SLC15A4: variants seen among roughly 807,000 people sequenced by gnomAD.
The protein encoded by SLC15A4 is solute carrier family 15 member 4, also known as hPHT1.
In SLC15A4, 26 loss-of-function variants were observed where a neutral mutation model predicts 46.1. That is an observed-to-expected ratio of 0.56 (90% CI 0.41 to 0.78). The LOEUF is 0.78. Ranked by LOEUF, SLC15A4 falls within the 30% of genes least tolerant of loss-of-function variation. The pLI is 0.00. For synonymous variants in SLC15A4, 370 were observed against 333.4 expected (o/e 1.11, Z -1.20); for missense variants, 751 against 755.7 (o/e 0.99, Z 0.07).
intron 5 of SLC15A4, among the ~76,000 whole-genome samples, chr12:128,803,851 A>G (rs552579838): frequency 6.6e-6 from 1 of 152,326 alleles, no homozygotes; most frequent in South Asian, 2.1e-4. Flanking sequence ...TTGGACAGAC[A>G]CAAAGATCCG....
At chr12:128,819,394 C>G (rs1026299749) in intron 1 of SLC15A4, 1 of 152,058 alleles carries the variant, frequency 6.6e-6, no homozygotes, top group Admixed American at 6.5e-5. Flanking sequence ...GAGAATAAGA[C>G]TTGGTCTTAA....
intron 1 of SLC15A4, among the ~76,000 whole-genome samples, chr12:128,821,515 G>A (rs1185219683): frequency 3.9e-5 from 6 of 152,280 alleles, no homozygotes; most frequent in South Asian, 4.1e-4. Flanking sequence ...TTCCAATAAC[G>A]CTTTATTTAT....
intron 5 of SLC15A4, among the ~76,000 whole-genome samples, chr12:128,803,593 C>T (rs1955544150): frequency 6.6e-6 from 1 of 152,148 alleles, no homozygotes; most frequent in African/African-American, 2.4e-5. Context: ...ATGGATGACA[C>T]ATAGTATCCA....
intron 2 of SLC15A4, chr12:128,813,185 ATT>A (rs60543357): frequency 2.8e-4 from 38 of 134,226 alleles, no homozygotes; most frequent in Non-Finnish European, 2.2e-4. Context: ...ATGGGGCTAT[ATT>A]TTTTTTTTTT....
chr12:128,812,792 G>C (rs555742346), intron 2 of SLC15A4, among the ~76,000 whole-genome samples: 1 of 152,198 alleles, frequency 6.6e-6, no homozygotes, highest in Non-Finnish European at 1.5e-5. Flanking sequence ...GGCTTCGCAA[G>C]ATCAGTAACC....
chr12:128,810,052 A>T lies in SLC15A4; in HGVS notation c.902T>A (p.Met301Lys). 1 of 1,614,200 alleles carries T rather than the reference A, an allele frequency of 6.2e-7. No individual in the cohort carries two copies. The highest frequency in any genetic ancestry group is 8.5e-7 in the Non-Finnish European group (1 of 1,180,022). ...SKQSLFDSCK[M>K]SHGGPFTEEK... ...TTCTGTAAATGGCCCACCATGAGAC[A>T]TCTTACATGAATCAAACAGACTTTG... The change falls in exon 3 of 8, where the codon ATG becomes AAG. Residue 301 changes from methionine to lysine, a missense_variant. Coordinates refer to ENST00000266771, the MANE Select transcript of SLC15A4 (RefSeq NM_145648.4).
intron 1 of SLC15A4, 31 bp downstream of exon 1, chr12:128,823,367 G>T: frequency 7.2e-7 from 1 of 1,383,002 alleles, no homozygotes; most frequent in South Asian, 1.6e-5. Context: ...GCTGGACAGG[G>T]ACAGGGACAG....
At chr12:128,795,266 A>G (rs898896588) in intron 7 of SLC15A4, among the ~76,000 whole-genome samples, 2 of 152,160 alleles carry the variant, frequency 1.3e-5, no homozygotes, top group African/African-American at 4.8e-5. Context: ...TGTCTTAAAC[A>G]TGTTCAGGTT....
rs184687089 is a variant in SLC15A4, at chr12:128,823,265, C to T, written c.546+133G>A. On this transcript the variant is annotated intron_variant, in intron 1 of 7. Coordinates refer to ENST00000266771, the MANE Select transcript of SLC15A4 (RefSeq NM_145648.4). Reference sequence around the variant, plus strand: ...TGGCCCACCTGCTGGCGGGATTCCTCGGCACTAGACAGAAGCCCCCCGGGG... The same window carrying T: ...TGGCCCACCTGCTGGCGGGATTCCTTGGCACTAGACAGAAGCCCCCCGGGG... 4.2e-4 allele frequency: 363 copies of T among 859,818 alleles called. 1 individual carries two copies. In the African/African-American group the frequency reaches 5.6e-3, roughly 13 times the overall value. The allele number at this position is 859,818 out of a possible 1,614,324, so 53.3% of individuals were successfully genotyped here.
At chr12:128,800,231 G>A (rs1181485021) in intron 6 of SLC15A4, among the ~76,000 whole-genome samples, 1 of 152,102 alleles carries the variant, frequency 6.6e-6, no homozygotes, top group East Asian at 1.9e-4. Context: ...ATTCTAAATA[G>A]AAGTCCATTC....
rs374492442 is a variant in SLC15A4, at chr12:128,797,239, G to A, written c.1573+2020C>T. On this transcript the variant is annotated intron_variant, in intron 7 of 7. Coordinates refer to ENST00000266771, the MANE Select transcript of SLC15A4 (RefSeq NM_145648.4). Reference sequence around the variant, plus strand: ...CGACAACAGCATGGATAAATGCCTCGTGACGGCTCGTACGAAGGAGCAGTA... The same window carrying A: ...CGACAACAGCATGGATAAATGCCTCATGACGGCTCGTACGAAGGAGCAGTA... 6.6e-5 allele frequency among the ~76,000 whole-genome samples: 10 copies of A among 152,096 alleles called. No individual in the cohort carries two copies. The East Asian group carries it at 1.6e-3, about 24-fold the overall frequency.
chr12:128,799,026 G>A (rs1412670015), intron 7 of SLC15A4, among the ~76,000 whole-genome samples: 1 of 152,178 alleles, frequency 6.6e-6, no homozygotes, highest in Admixed American at 6.5e-5. Flanking sequence ...GCCAGGGCAG[G>A]CTTGGCCCCT....
rs199661368 is a variant in SLC15A4 at position 128,814,787 on chromosome 12, C to A, written c.830G>T (p.Arg277Leu). 6.2e-7 allele frequency: 1 copy of A among 1,613,942 alleles called. No homozygotes were observed. Among genetic ancestry groups the A allele is most frequent in the East Asian group, 2.2e-5 (1 of 44,874 alleles). The stretch of plus-strand genomic sequence containing the variant: ...ACTAAGTGCTTACCCATTACTCTGG[C>A]GCTCTCCACTTCGCTTCTGGGAACA... Reference protein sequence around the residue: ...SCCSQKRSGERQSNGEGIGVF... With the variant: ...SCCSQKRSGELQSNGEGIGVF... The change falls in exon 2 of 8, where the codon CGC (arginine) becomes CTC (leucine). Residue 277 changes from arginine to leucine, a missense_variant. Transcript: ENST00000266771.
Position 128,802,504 on chromosome 12 carries a change from GAAATA to G in SLC15A4, c.1259-1500_1259-1496del, listed in dbSNP as rs1287508268. Among the ~76,000 whole-genome samples, 5 of 152,140 alleles carry G rather than the reference GAAATA, an allele frequency of 3.3e-5. No individual in the cohort carries two copies. The East Asian group carries it at 9.6e-4, about 29-fold the overall frequency. ...CAAGCAGAAATTCAGGTCTATTTTG[GAAATA>G]AACACGAAAGCTGAATACCACTTTT... On this transcript the variant is annotated intron_variant, in intron 5 of 7. Transcript: ENST00000266771.
intron 6 of SLC15A4, among the ~76,000 whole-genome samples, chr12:128,800,397 C>G (rs991977304): frequency 6.6e-6 from 1 of 152,188 alleles, no homozygotes; most frequent in African/African-American, 2.4e-5. Flanking sequence ...CAGATCTGCC[C>G]AGAATACACT....
chr12:128,822,497 T>C (rs771083335), intron 1 of SLC15A4, among the ~76,000 whole-genome samples: 10 of 152,240 alleles, frequency 6.6e-5, no homozygotes, highest in Non-Finnish European at 1.2e-4. Flanking sequence ...CCTTCTGGTC[T>C]GAACTTACAG....
At position 128,814,897 on chromosome 12, in the gene SLC15A4, G is replaced by A; in HGVS notation, c.720C>T (p.Phe240=). ...TGATGAAAACGCTCTGGCCACAGAGGAAGACCACAAAAGCAAGGCCGACGC... is the reference window on the plus strand; with the variant it reads ...TGATGAAAACGCTCTGGCCACAGAGAAAGACCACAAAAGCAAGGCCGACGC... The part of the protein sequence containing the change: ...TVCVGLAFVV[F]LCGQSVFITK... The change falls in exon 2 of 8, where the codon TTC becomes TTT. Residue 240 remains phenylalanine (F), a synonymous_variant. Coordinates refer to ENST00000266771, the MANE Select transcript of SLC15A4 (RefSeq NM_145648.4). The A allele has an allele frequency of 6.2e-7, 1 of 1,614,166 alleles. No homozygotes were observed. The highest frequency in any genetic ancestry group is 8.5e-7 in the Non-Finnish European group (1 of 1,180,044).
chr12:128,821,895 A>G (rs1955845983), intron 1 of SLC15A4, among the ~76,000 whole-genome samples: 1 of 151,958 alleles, frequency 6.6e-6, no homozygotes, highest in Non-Finnish European at 1.5e-5. Context: ...AAAAAAAAAA[A>G]AAAAAAAGAA....
rs187921029 is a variant in SLC15A4, at chr12:128,809,562, G to C, written c.1012-89C>G. 145 of 761,852 alleles carry C rather than the reference G, an allele frequency of 1.9e-4. 2 individuals carry two copies. The African/African-American group carries it at 1.9e-3, about 10-fold the overall frequency. The allele number at this position is 761,852 out of a possible 1,614,324, so 47.2% of individuals were successfully genotyped here. On this transcript the variant is annotated intron_variant, in intron 3 of 7. Transcript: ENST00000266771. Reference sequence around the variant, plus strand: ...CTGCCCCTCCCCTAAGCTAGACTCAGATGCGACACACAGTGACTCCCAGAA... The same window carrying C: ...CTGCCCCTCCCCTAAGCTAGACTCACATGCGACACACAGTGACTCCCAGAA...
Sources: gnomAD v4.1 joint callset for allele counts (sites outside exome capture counted in the v4.1 genomes callset) on GRCh38, gnomAD v4.1.1 for gene constraint, MANE v1.5 for transcripts, NCBI Gene and HGNC (gene_info 2026-07-23, HGNC 2026-07-21) for gene names.